Variants in SLC25A21 observed in about 807,000 individuals in gnomAD.
SLC25A21 encodes mitochondrial 2-oxodicarboxylate carrier.
In SLC25A21, 47 loss-of-function variants were observed where a neutral mutation model predicts 43.8. The observed-to-expected ratio is 1.07, with a 90% confidence interval of 0.85 to 1.37. SLC25A21 has a LOEUF of 1.37. Ranked by LOEUF, SLC25A21 falls within the 40% of genes most tolerant of loss-of-function variation. The probability of loss-of-function intolerance (pLI) is 0.00; values close to 1 mark genes in which losing one functional copy is unlikely to be tolerated. For synonymous variants in SLC25A21, 131 were observed against 121.3 expected, an observed-to-expected ratio of 1.08 and a Z score of -0.52; for missense variants, 352 against 350.2, an observed-to-expected ratio of 1.00 and a Z score of -0.04.
chr14:37,009,029 G>C (rs1000061302), intron 1 of SLC25A21, among the ~76,000 whole-genome samples: 1 of 152,116 alleles, frequency 6.6e-6, no homozygotes, highest in Non-Finnish European at 1.5e-5. Flanking sequence ...AGGTAAAGAC[G>C]AGAGCACATT....
chr14:37,033,426 G>A (rs1000313224), intron 1 of SLC25A21, among the ~76,000 whole-genome samples: 4 of 152,110 alleles, frequency 2.6e-5, no homozygotes, highest in Non-Finnish European at 4.4e-5. Flanking sequence ...ATTTTTGGAG[G>A]AAACTGAAGT....
chr14:36,725,833 G>A (rs1594526622), intron 5 of SLC25A21, among the ~76,000 whole-genome samples, 156 bp from the exon 6 acceptor site: 1 of 151,690 alleles, frequency 6.6e-6, no homozygotes, highest in East Asian at 2.0e-4. Context: ...TTTAGTTCTT[G>A]ATTAGATGCT....
At chr14:37,095,491 G>T (rs12050169) in intron 1 of SLC25A21, among the ~76,000 whole-genome samples, 2 of 152,056 alleles carry the variant, frequency 1.3e-5, no homozygotes, top group Admixed American at 1.3e-4. Context: ...GAACTCTAAC[G>T]TGGGCGACAG....
intron 3 of SLC25A21, among the ~76,000 whole-genome samples, chr14:36,803,280 A>T (rs1887930522): frequency 6.6e-6 from 1 of 152,196 alleles, no homozygotes; most frequent in Non-Finnish European, 1.5e-5. Flanking sequence ...AATGTAACAC[A>T]TATTTTATTT....
rs559656266 is a variant in SLC25A21 at position 36,720,245 on chromosome 14, A to T, written c.438+5325T>A. On this transcript the variant is annotated intron_variant, in intron 6 of 9. Transcript: ENST00000331299. ...GTCATATTGGCTACTGTTGTCCTCG[A>T]CTGTCCTCTGCTGCAGTGCCCCTCT... Among the ~76,000 whole-genome samples, 12 of 152,332 alleles carry T rather than the reference A, an allele frequency of 7.9e-5. 1 individual carries two copies. Among genetic ancestry groups the T allele is most frequent in the Admixed American group, 2.0e-4 (3 of 15,312 alleles).
At chr14:36,826,848 ACT>A (rs1888852000) in intron 2 of SLC25A21, among the ~76,000 whole-genome samples, 1 of 152,088 alleles carries the variant, frequency 6.6e-6, no homozygotes, top group Non-Finnish European at 1.5e-5. Flanking sequence ...CCAGGTGGTC[ACT>A]CTCAGGTATA....
chr14:37,091,428 A>G (rs1364772442), intron 1 of SLC25A21, among the ~76,000 whole-genome samples: 4 of 151,262 alleles, frequency 2.6e-5, no homozygotes, highest in South Asian at 2.1e-4. Flanking sequence ...AATGAGACTC[A>G]GTCTCAAAAA....
At chr14:36,946,040 G>A (rs188344432) in intron 1 of SLC25A21, among the ~76,000 whole-genome samples, 72 of 152,216 alleles carry the variant, frequency 4.7e-4, no homozygotes, top group African/African-American at 1.7e-3. Flanking sequence ...GAATGCTTCC[G>A]TTAGCACAAG....
intron 3 of SLC25A21, among the ~76,000 whole-genome samples, chr14:36,776,046 C>G (rs1259294965): frequency 6.6e-6 from 1 of 151,462 alleles, no homozygotes; most frequent in East Asian, 1.9e-4. Context: ...GCTTTTCAAC[C>G]TCATCCACAC....
chr14:37,098,730 TAGATAGATAGATAGATAGACAGAC>T (rs1396701720), intron 1 of SLC25A21, among the ~76,000 whole-genome samples: 1,535 of 10,330 alleles, frequency 0.15, 14 homozygotes, highest in South Asian at 0.44. Flanking sequence ...GATAGATAGA[TAGATAGATAGATAGATAGACAGAC>T]AGACAGACAG....
intron 1 of SLC25A21, among the ~76,000 whole-genome samples, chr14:36,984,832 GC>G (rs1555340344): frequency 2.0e-5 from 3 of 151,936 alleles, no homozygotes; most frequent in Non-Finnish European, 2.9e-5. Flanking sequence ...CTGGGTATAT[GC>G]CCAAAGGACT....
chr14:36,812,320 G>A (rs902881294), intron 3 of SLC25A21, among the ~76,000 whole-genome samples: 2 of 151,860 alleles, frequency 1.3e-5, no homozygotes, highest in Admixed American at 1.3e-4. Flanking sequence ...AAATCTTAAG[G>A]GTATAAAATC....
chr14:37,053,567 TAACTC>T, intron 1 of SLC25A21, among the ~76,000 whole-genome samples: 1 of 152,200 alleles, frequency 6.6e-6, no homozygotes. Flanking sequence ...ATAATTTTCT[TAACTC>T]ATCTCATAGT....
At chr14:37,001,093 C>T (rs1236675858) in intron 1 of SLC25A21, among the ~76,000 whole-genome samples, 1 of 152,142 alleles carries the variant, frequency 6.6e-6, no homozygotes, top group Non-Finnish European at 1.5e-5. Flanking sequence ...ATAGCACTTG[C>T]CACTTTCTGA....
chr14:37,109,877 A>G (rs1241730665), intron 1 of SLC25A21, among the ~76,000 whole-genome samples: 1 of 152,216 alleles, frequency 6.6e-6, no homozygotes, highest in Non-Finnish European at 1.5e-5. Context: ...AAGGGGAAAT[A>G]TTTAATGAGT....
At chr14:36,931,102 TCCTC>T (rs568680074) in intron 1 of SLC25A21, among the ~76,000 whole-genome samples, 61 of 152,194 alleles carry the variant, frequency 4.0e-4, no homozygotes, top group Admixed American at 7.2e-4. Context: ...TTAATTTTCC[TCCTC>T]CCCCCTATTT....
chr14:36,796,781 T>G (rs79320074), intron 3 of SLC25A21, among the ~76,000 whole-genome samples: 151 of 152,284 alleles, frequency 9.9e-4, no homozygotes, highest in African/African-American at 3.5e-3. Context: ...GTGATGAAAT[T>G]GAAAACTGAG....
At chr14:37,001,887 T>C (rs1019085374) in intron 1 of SLC25A21, among the ~76,000 whole-genome samples, 1 of 152,206 alleles carries the variant, frequency 6.6e-6, no homozygotes, top group African/African-American at 2.4e-5. Flanking sequence ...TATTGTAATC[T>C]TATCTCAATT....
At chr14:36,874,906 A>T in intron 2 of SLC25A21, 50 bp downstream of exon 2, 1 of 1,519,490 alleles carries the variant, frequency 6.6e-7, no homozygotes, top group Non-Finnish European at 9.1e-7. Context: ...GACAGATCTT[A>T]ATTTGGATAT....
Sources: allele counts gnomAD v4.1 joint callset (sites outside exome capture counted in the v4.1 genomes callset), GRCh38; gene constraint gnomAD v4.1.1; transcripts MANE v1.5; gene names NCBI Gene and HGNC (gene_info 2026-07-23, HGNC 2026-07-21).